EXOC6: variants seen among roughly 807,000 people sequenced by gnomAD.
EXOC6 encodes the protein exocyst complex component 6, also known as SEC15-like 1.
A neutral mutation model predicts 112.5 loss-of-function variants in EXOC6; 60 were observed. The ratio of observed to expected loss-of-function variants is 0.53; its 90% CI spans 0.43 to 0.66. The LOEUF is 0.66. EXOC6 is among the 30% of genes least tolerant of loss of function. EXOC6 has a pLI of 0.00. For synonymous variants in EXOC6, 295 were observed against 308.0 expected (o/e 0.96, Z 0.44); for missense variants, 855 against 957.1 (o/e 0.89, Z 1.41).
At chr10:92,999,529 A>C (rs112527722) in intron 19 of EXOC6, 1 of 226,868 alleles carries the variant, frequency 4.4e-6, no homozygotes. Context: ...TTCGTGTTAC[A>C]GTAGTCCCTC....
At chr10:92,848,772 C>T (rs1465427946) in intron 1 of EXOC6, 138 bp downstream of exon 1, 8 of 588,392 alleles carry the variant, frequency 1.4e-5, no homozygotes, top group Non-Finnish European at 1.8e-5. Context: ...CGGGGGCGCT[C>T]GCGGGTGGCG....
intron 12 of EXOC6, among the ~76,000 whole-genome samples, chr10:92,939,481 G>A (rs2133969671): frequency 6.6e-6 from 1 of 151,980 alleles, no homozygotes; most frequent in African/African-American, 2.4e-5. Flanking sequence ...GATAAACTAG[G>A]TTGATGATAG....
intron 18 of EXOC6, among the ~76,000 whole-genome samples, chr10:92,975,571 G>T (rs1381485261): frequency 6.8e-6 from 1 of 146,790 alleles, no homozygotes; most frequent in Non-Finnish European, 1.5e-5. Context: ...GAGGTGGGGG[G>T]ATCAGCCCCC....
intron 5 of EXOC6, among the ~76,000 whole-genome samples, chr10:92,902,004 C>T (rs1850202672): frequency 7.6e-6 from 1 of 131,340 alleles, no homozygotes; most frequent in African/African-American, 3.1e-5. Flanking sequence ...CAGCAAAACC[C>T]TGTCTCAAAG....
intron 17 of EXOC6, among the ~76,000 whole-genome samples, chr10:92,956,235 A>C (rs1431207359): frequency 6.6e-6 from 1 of 152,090 alleles, no homozygotes; most frequent in African/African-American, 2.4e-5. Flanking sequence ...ATGTAAGATT[A>C]AACAATTTCA....
chr10:92,869,007 T>C (rs1848315676), intron 1 of EXOC6, among the ~76,000 whole-genome samples: 1 of 152,072 alleles, frequency 6.6e-6, no homozygotes, highest in South Asian at 2.1e-4. Context: ...GCTGAGGGAT[T>C]TATATTTTAT....
intron 12 of EXOC6, among the ~76,000 whole-genome samples, chr10:92,939,541 A>G (rs545011196): frequency 2.0e-5 from 3 of 152,092 alleles, no homozygotes; most frequent in African/African-American, 7.2e-5. Context: ...TTCATTGGAG[A>G]GAGGAAGTGA....
At chr10:93,026,423 T>C (rs1373511558) in intron 20 of EXOC6, among the ~76,000 whole-genome samples, 1 of 152,236 alleles carries the variant, frequency 6.6e-6, no homozygotes, top group Non-Finnish European at 1.5e-5. Context: ...TTTTAGCCAT[T>C]CCAGTGGCTG....
intron 19 of EXOC6, among the ~76,000 whole-genome samples, chr10:93,012,759 C>T (rs549443350): frequency 6.6e-6 from 1 of 152,196 alleles, no homozygotes; most frequent in South Asian, 2.1e-4. Context: ...CTATAATGTT[C>T]TCTAAAAAAA....
Position 93,058,446 on chromosome 10 carries a change from A to G in EXOC6, c.*91A>G. The stretch of plus-strand genomic sequence containing the variant: ...GGTCATGATACAGTAATTTGTTTAC[A>G]GAATCCAAAAATACAATAGAGAAGA... On this transcript the variant is annotated 3_prime_UTR_variant, in exon 22 of 22. Coordinates refer to ENST00000260762, the MANE Select transcript of EXOC6 (RefSeq NM_019053.6). 8.8e-7 allele frequency: 1 copy of G among 1,135,426 alleles called. No individual in the cohort carries two copies. The highest frequency in any genetic ancestry group is 1.2e-6 in the Non-Finnish European group (1 of 838,346). The allele number at this position is 1,135,426 out of a possible 1,614,324, so 70.3% of individuals were successfully genotyped here.
chr10:93,001,341 T>C (rs1384005898), intron 19 of EXOC6, among the ~76,000 whole-genome samples: 1 of 152,226 alleles, frequency 6.6e-6, no homozygotes, highest in East Asian at 1.9e-4. Flanking sequence ...TGCCAAGTAA[T>C]TGTCCAGCCA....
intron 1 of EXOC6, among the ~76,000 whole-genome samples, chr10:92,877,521 C>T (rs1033394173): frequency 5.3e-5 from 8 of 152,116 alleles, no homozygotes; most frequent in African/African-American, 1.7e-4. Context: ...TTGTGGATTG[C>T]AAAGCACTAA....
At chr10:92,874,120 C>T (rs756598853) in intron 1 of EXOC6, among the ~76,000 whole-genome samples, 17 of 150,978 alleles carry the variant, frequency 1.1e-4, no homozygotes, top group Non-Finnish European at 2.2e-4. Flanking sequence ...CATTTTTTTC[C>T]TCTTTAGTTG....
Position 93,058,757 on chromosome 10 carries a change from A to G in EXOC6, c.*402A>G, listed in dbSNP as rs564941206. On this transcript the variant is annotated 3_prime_UTR_variant, in exon 22 of 22. Coordinates refer to ENST00000260762, the MANE Select transcript of EXOC6 (RefSeq NM_019053.6). ...GGAATTCAATCATGTCTGATATGGT[A>G]GTATTTCACTACCATTTTCTGACTT... 3 of 152,792 alleles carry G rather than the reference A, an allele frequency of 2.0e-5. No individual in the cohort carries two copies. Among genetic ancestry groups the G allele is most frequent in the African/African-American group, 7.2e-5 (3 of 41,478 alleles). The allele number at this position is 152,792 out of a possible 1,614,324, so 9.5% of individuals were successfully genotyped here.
At chr10:93,026,031 A>G (rs1845010068) in intron 20 of EXOC6, among the ~76,000 whole-genome samples, 1 of 152,148 alleles carries the variant, frequency 6.6e-6, no homozygotes, top group South Asian at 2.1e-4. Context: ...TCTTTTGCTC[A>G]TTGTCTTTGA....
chr10:92,991,725 TTC>T (rs72252880), intron 18 of EXOC6, among the ~76,000 whole-genome samples: 366 of 148,878 alleles, frequency 2.5e-3, no homozygotes, highest in African/African-American at 2.7e-3. Context: ...CACGTTCTAT[TTC>T]TCTCTCTCTC....
At chr10:92,829,414 A>G (rs993862269) in intron 1 of EXOC6, among the ~76,000 whole-genome samples, 1 of 152,112 alleles carries the variant, frequency 6.6e-6, no homozygotes, top group Non-Finnish European at 1.5e-5. Flanking sequence ...TTGCCTATTA[A>G]GCCTCTGCTC....
intron 18 of EXOC6, among the ~76,000 whole-genome samples, chr10:92,987,201 A>T (rs1001062462): frequency 1.3e-5 from 2 of 152,162 alleles, no homozygotes; most frequent in African/African-American, 2.4e-5. Context: ...TAACAACTAA[A>T]ATTTTTGAAG....
chr10:92,984,729 G>A (rs1479477689), intron 18 of EXOC6, among the ~76,000 whole-genome samples: 1 of 152,034 alleles, frequency 6.6e-6, no homozygotes, highest in Non-Finnish European at 1.5e-5. Flanking sequence ...CTTTTTCTGT[G>A]TACTTTCATT....
Sources: gnomAD v4.1 joint callset for allele counts (sites outside exome capture counted in the v4.1 genomes callset) on GRCh38, gnomAD v4.1.1 for gene constraint, MANE v1.5 for transcripts, NCBI Gene and HGNC (gene_info 2026-07-23, HGNC 2026-07-21) for gene names.